MACROD2: variants seen among roughly 807,000 people sequenced by gnomAD.
The protein encoded by MACROD2 is mono-ADP ribosylhydrolase 2.
Under a neutral mutation model 70.4 loss-of-function variants are expected in MACROD2, and 36 were observed. That is an observed-to-expected ratio of 0.51 (90% CI 0.39 to 0.68). MACROD2 has a LOEUF of 0.68. Ranked by LOEUF, MACROD2 falls within the 30% of genes least tolerant of loss-of-function variation. The pLI is 0.00. For missense variants in MACROD2, 496 were observed against 538.4 expected, an observed-to-expected ratio of 0.92 and a Z score of 0.78; for synonymous variants, 172 against 178.8, an observed-to-expected ratio of 0.96 and a Z score of 0.30.
chr20:15,852,511 G>A (rs889686009), intron 8 of MACROD2, among the ~76,000 whole-genome samples: 2 of 152,210 alleles, frequency 1.3e-5, no homozygotes, highest in Non-Finnish European at 2.9e-5. Context: ...TTCCCATTCT[G>A]TAATTTGGAG....
intron 4 of MACROD2, among the ~76,000 whole-genome samples, chr20:14,521,407 A>G (rs2085167863): frequency 1.3e-5 from 2 of 152,240 alleles, no homozygotes; most frequent in Non-Finnish European, 2.9e-5. Flanking sequence ...TAGTTAGCTT[A>G]TTGTATGCCA....
intron 5 of MACROD2, among the ~76,000 whole-genome samples, chr20:14,863,790 A>G (rs1445243051): frequency 6.6e-6 from 1 of 152,100 alleles, no homozygotes; most frequent in East Asian, 1.9e-4. Flanking sequence ...GAAAAAACAA[A>G]GGCTGTAAGA....
At chr20:14,336,323 A>C (rs1468787108) in intron 3 of MACROD2, among the ~76,000 whole-genome samples, 2 of 151,974 alleles carry the variant, frequency 1.3e-5, no homozygotes, top group Non-Finnish European at 2.9e-5. Flanking sequence ...TAAAAATTGA[A>C]AAAAAAATCA....
In MACROD2 at chr20:16,024,530, G is replaced by GACAC. The variant is rs141641248; in HGVS notation, c.1154-16659_1154-16656dup. ...ACACACACAGACACACACACACACA[G>GACAC]ACACACACACACACATGCCAACTAC... On this transcript the variant is annotated intron_variant, in intron 15 of 17. Coordinates refer to ENST00000684519, the MANE Select transcript of MACROD2 (RefSeq NM_001351661.2). Among the ~76,000 whole-genome samples the GACAC allele has an allele frequency of 1.2e-3, 180 of 150,512 alleles. 1 individual carries two copies. The highest frequency in any genetic ancestry group is 3.6e-3 in the African/African-American group (149 of 40,848).
chr20:14,736,521 T>C (rs986585189), intron 5 of MACROD2, among the ~76,000 whole-genome samples: 1 of 152,122 alleles, frequency 6.6e-6, no homozygotes, highest in Non-Finnish European at 1.5e-5. Context: ...AATATATCAG[T>C]CAGTAACCAA....
At chr20:14,171,986 A>G (rs1233764269) in intron 3 of MACROD2, among the ~76,000 whole-genome samples, 1 of 152,202 alleles carries the variant, frequency 6.6e-6, no homozygotes, top group Non-Finnish European at 1.5e-5. Context: ...TCTTAGGTCT[A>G]ATAGTAATTG....
intron 3 of MACROD2, among the ~76,000 whole-genome samples, chr20:14,117,231 A>T (rs1353525443): frequency 1.3e-5 from 2 of 152,184 alleles, no homozygotes; most frequent in African/African-American, 4.8e-5. Context: ...ACAGTCTTCC[A>T]ATTTCTGTTG....
chr20:14,342,412 A>C (rs1454461316), intron 3 of MACROD2, among the ~76,000 whole-genome samples: 1 of 152,124 alleles, frequency 6.6e-6, no homozygotes, highest in Non-Finnish European at 1.5e-5. Context: ...AGATACTCTT[A>C]TTTGTAGACG....
At chr20:15,286,842 A>T (rs1466227292) in intron 6 of MACROD2, among the ~76,000 whole-genome samples, 1 of 152,128 alleles carries the variant, frequency 6.6e-6, no homozygotes, top group African/African-American at 2.4e-5. Context: ...TGCTGCTATT[A>T]TATTTTTCTT....
chr20:14,468,421 T>C (rs191721047), intron 3 of MACROD2, among the ~76,000 whole-genome samples: 13 of 151,036 alleles, frequency 8.6e-5, no homozygotes, highest in African/African-American at 3.2e-4. Flanking sequence ...TATCAGAGAC[T>C]AGGATTGCAA....
intron 3 of MACROD2, among the ~76,000 whole-genome samples, chr20:14,383,909 A>G (rs1025184998): frequency 2.0e-5 from 3 of 152,128 alleles, no homozygotes; most frequent in Non-Finnish European, 2.9e-5. Flanking sequence ...TGGTATTTCC[A>G]TTAAATCATT....
At chr20:14,240,230 GC>G (rs1569222444) in intron 3 of MACROD2, among the ~76,000 whole-genome samples, 1 of 152,116 alleles carries the variant, frequency 6.6e-6, no homozygotes, top group African/African-American at 2.4e-5. Flanking sequence ...ATGCTTATAC[GC>G]TACTGGTGGG....
chr20:14,655,491 G>A (rs1985925112), intron 4 of MACROD2, among the ~76,000 whole-genome samples: 1 of 151,970 alleles, frequency 6.6e-6, no homozygotes, highest in Admixed American at 6.6e-5. Context: ...ATCGTGTTTG[G>A]TCGGGTCTTG....
intron 6 of MACROD2, among the ~76,000 whole-genome samples, chr20:15,330,382 G>A (rs1487878637): frequency 1.3e-5 from 2 of 151,602 alleles, no homozygotes; most frequent in Non-Finnish European, 2.9e-5. Flanking sequence ...GTAGACTCCA[G>A]GCTCAGCAGG....
At chr20:15,180,792 G>A (rs961582271) in intron 5 of MACROD2, among the ~76,000 whole-genome samples, 6 of 152,210 alleles carry the variant, frequency 3.9e-5, no homozygotes, top group Non-Finnish European at 7.3e-5. Flanking sequence ...CACATGGCCA[G>A]CATACAGTTT....
At chr20:14,854,306 AT>A (rs2073230468) in intron 5 of MACROD2, among the ~76,000 whole-genome samples, 2 of 152,176 alleles carry the variant, frequency 1.3e-5, no homozygotes, top group Admixed American at 1.3e-4. Flanking sequence ...TGACTACTGA[AT>A]GCTTGTTCTT....
At chr20:15,177,114 G>A (rs1035747309) in intron 5 of MACROD2, among the ~76,000 whole-genome samples, 3 of 152,176 alleles carry the variant, frequency 2.0e-5, no homozygotes, top group African/African-American at 7.2e-5. Context: ...TCACTTCTCT[G>A]TGCCTGGCTC....
chr20:15,596,637 C>A (rs2048749840), intron 8 of MACROD2, among the ~76,000 whole-genome samples: 1 of 152,214 alleles, frequency 6.6e-6, no homozygotes, highest in Non-Finnish European at 1.5e-5. Flanking sequence ...GCCCTTCAGG[C>A]CCTTGCAGTG....
At chr20:15,709,810 T>G (rs1411898823) in intron 8 of MACROD2, among the ~76,000 whole-genome samples, 2 of 152,198 alleles carry the variant, frequency 1.3e-5, no homozygotes, top group Non-Finnish European at 2.9e-5. Context: ...AAATCCTCTC[T>G]TCTAGCTATT....
Sources: gnomAD v4.1 joint callset for allele counts (sites outside exome capture counted in the v4.1 genomes callset) on GRCh38, gnomAD v4.1.1 for gene constraint, MANE v1.5 for transcripts, NCBI Gene and HGNC (gene_info 2026-07-23, HGNC 2026-07-21) for gene names.